Variants in GSDMC observed in about 807,000 individuals in gnomAD.
GSDMC encodes gasdermin-C.
Under a neutral mutation model 58.0 loss-of-function variants are expected in GSDMC, and 59 were observed. That is an observed-to-expected ratio of 1.02 (90% CI 0.82 to 1.26). The LOEUF is 1.26. Ranked by LOEUF, GSDMC falls within the 50% of genes most tolerant of loss-of-function variation. The pLI is 0.00. For synonymous variants in GSDMC, 241 were observed against 220.2 expected (o/e 1.09, Z -0.83); for missense variants, 659 against 598.5 (o/e 1.10, Z -1.06).
the GSDMC span, chr8:129,729,001 T>A: frequency 1.5e-6 from 1 of 662,292 alleles, no homozygotes; most frequent in Non-Finnish European, 2.9e-6. Flanking sequence ...AAGAGCTTGC[T>A]GCACGATGAG....
intron 8 of GSDMC, 63 bp from the exon 9 acceptor site, chr8:129,751,954 G>T: frequency 6.5e-7 from 1 of 1,541,372 alleles, no homozygotes; most frequent in South Asian, 1.1e-5. Flanking sequence ...CCAACCTTCT[G>T]CCCTTCTTTC....
chr8:129,749,650 A>C, intron 12 of GSDMC, 125 bp from the exon 13 acceptor site: 1 of 740,088 alleles, frequency 1.4e-6, no homozygotes, highest in Non-Finnish European at 2.4e-6. Context: ...ATTAGACTTG[A>C]AGGTCAAGCT....
At chr8:129,724,090 C>T in the GSDMC span, among the ~76,000 whole-genome samples, 3 of 152,198 alleles carry the variant, frequency 2.0e-5, no homozygotes, top group African/African-American at 7.2e-5. Flanking sequence ...GAAATCCAGC[C>T]TCCATGTTGA....
chr8:129,750,581 G>A lies in GSDMC; in HGVS notation c.944-11C>T. ...GTAGATGCTTGAAATCTGCTCTCAG[G>A]CATCAACGCCGACCAGAAAGTGGGG... On this transcript the variant is annotated splice_polypyrimidine_tract_variant and intron_variant, in intron 10 of 13. Coordinates refer to ENST00000276708, the MANE Select transcript of GSDMC (RefSeq NM_031415.3). The A allele has an allele frequency of 6.2e-7, 1 of 1,612,464 alleles. No homozygotes were observed. The highest frequency in any genetic ancestry group is 1.1e-5 in the South Asian group (1 of 90,826).
At chr8:129,750,702 C>T in intron 10 of GSDMC, 132 bp from the exon 11 acceptor site, 1 of 820,476 alleles carries the variant, frequency 1.2e-6, no homozygotes, top group Middle Eastern at 2.3e-4. Context: ...CCAAAATTGT[C>T]TCTGCTAATG....
Position 129,757,128 on chromosome 8 carries a change from A to G in GSDMC, c.721+3417T>C, listed in dbSNP as rs1011015623. Among the ~76,000 whole-genome samples the G allele has an allele frequency of 4.7e-4, 71 of 152,128 alleles. 1 individual carries two copies. The highest frequency in any genetic ancestry group is 1.6e-3 in the African/African-American group (67 of 41,556). ...AATGAAACAAAAAGTTGGCTTTTTG[A>G]AAAGATATACAAAATTGACAAAACT... On this transcript the variant is annotated intron_variant, in intron 6 of 13. Coordinates refer to ENST00000276708, the MANE Select transcript of GSDMC (RefSeq NM_031415.3).
intron 2 of GSDMC, among the ~76,000 whole-genome samples, chr8:129,776,738 CTGT>C (rs35034463): frequency 0.47 from 70,243 of 150,850 alleles, 17,526 homozygotes; most frequent in East Asian, 0.7. Flanking sequence ...TTGGTTTTTG[CTGT>C]TGTTGTTGTT....
the GSDMC span, among the ~76,000 whole-genome samples, chr8:129,742,616 C>T: frequency 6.6e-6 from 1 of 152,080 alleles, no homozygotes; most frequent in Non-Finnish European, 1.5e-5. Context: ...CCATTCAACT[C>T]GAGGAGGTTC....
the GSDMC span, among the ~76,000 whole-genome samples, chr8:129,737,655 A>T: frequency 1.3e-5 from 2 of 152,240 alleles, no homozygotes; most frequent in African/African-American, 4.8e-5. Flanking sequence ...TTATACAAAC[A>T]TTAATTCAAG....
chr8:129,762,374 G>A (rs975606190), intron 5 of GSDMC, among the ~76,000 whole-genome samples: 1 of 152,180 alleles, frequency 6.6e-6, no homozygotes, highest in Admixed American at 6.6e-5. Flanking sequence ...AGATGAACAA[G>A]TTGGATTATT....
downstream of GSDMC, among the ~76,000 whole-genome samples, chr8:129,747,456 C>CTA (rs565308185): frequency 1.3e-4 from 20 of 152,130 alleles, no homozygotes; most frequent in South Asian, 3.9e-3. Context: ...ATGATGTGAG[C>CTA]AATAGGGATT....
At chr8:129,774,277 C>T (rs546631671) in intron 3 of GSDMC, among the ~76,000 whole-genome samples, 5 of 152,038 alleles carry the variant, frequency 3.3e-5, no homozygotes, top group South Asian at 4.1e-4. Flanking sequence ...ATCTGACAAG[C>T]GTGACAAGAA....
rs148594665 is a variant in GSDMC at position 129,770,011 on chromosome 8, A to C, written c.405-4218T>G. Among the ~76,000 whole-genome samples the C allele has an allele frequency of 2.5e-3, 382 of 152,350 alleles. 2 individuals carry two copies. Among genetic ancestry groups the C allele is most frequent in the African/African-American group, 8.9e-3 (369 of 41,578 alleles). On this transcript the variant is annotated intron_variant, in intron 3 of 13. Transcript: ENST00000276708. ...AGAGTCAGAATTCTGTAATATTCTAAATGTGGTATATAAATGATTTTCAAC... is the reference window on the plus strand; with the variant it reads ...AGAGTCAGAATTCTGTAATATTCTACATGTGGTATATAAATGATTTTCAAC...
chr8:129,719,663 G>A, the GSDMC span, among the ~76,000 whole-genome samples: 13 of 152,154 alleles, frequency 8.5e-5, no homozygotes, highest in Non-Finnish European at 1.3e-4. Context: ...CGATTCAAGT[G>A]GCCAGGTACA....
At chr8:129,734,056 A>G in the GSDMC span, among the ~76,000 whole-genome samples, 1 of 152,174 alleles carries the variant, frequency 6.6e-6, no homozygotes, top group Non-Finnish European at 1.5e-5. Flanking sequence ...CGATTCAATC[A>G]AGAGGAAGAA....
chr8:129,732,114 T>C, the GSDMC span, among the ~76,000 whole-genome samples: 1 of 152,094 alleles, frequency 6.6e-6, no homozygotes, highest in Admixed American at 6.6e-5. Flanking sequence ...AGGGGTTCTC[T>C]CTCAGGACTG....
At chr8:129,782,218 C>G (rs903588640) in intron 1 of GSDMC, among the ~76,000 whole-genome samples, 1 of 152,018 alleles carries the variant, frequency 6.6e-6, no homozygotes, top group South Asian at 2.1e-4. Context: ...AAAAGCAGTA[C>G]AAAGAGGGAA....
the GSDMC span, chr8:129,729,247 T>A: frequency 1.6e-6 from 1 of 634,610 alleles, no homozygotes; most frequent in South Asian, 1.4e-5. Context: ...GTGAAATAGG[T>A]GGACTTAGAC....
chr8:129,762,543 G>A, intron 5 of GSDMC, 83 bp downstream of exon 5: 1 of 853,124 alleles, frequency 1.2e-6, no homozygotes. Flanking sequence ...GCATACTATG[G>A]TTATTTTCCT....
Sources: allele counts gnomAD v4.1 joint callset (sites outside exome capture counted in the v4.1 genomes callset), GRCh38; gene constraint gnomAD v4.1.1; transcripts MANE v1.5; gene names NCBI Gene and HGNC (gene_info 2026-07-23, HGNC 2026-07-21).